The following ABHD3 variants were observed in gnomAD, a reference collection of about 807,000 sequenced individuals.
ABHD3 encodes the protein abhydrolase domain containing 3, phospholipase, also known as phospholipase ABHD3.
In ABHD3, 46 loss-of-function variants were observed where a neutral mutation model predicts 48.8. The ratio of observed to expected loss-of-function variants is 0.94; its 90% CI spans 0.74 to 1.20. The LOEUF (loss-of-function observed/expected upper bound fraction) is 1.20, where lower values mean the gene tolerates loss of function less well. Ranked by LOEUF, ABHD3 falls within the 50% of genes most tolerant of loss-of-function variation. The pLI is 0.00. For missense variants in ABHD3, 490 were observed against 497.8 expected, an observed-to-expected ratio of 0.98 and a Z score of 0.15; for synonymous variants, 192 against 183.7, an observed-to-expected ratio of 1.04 and a Z score of -0.36.
At chr18:21,682,902 C>T (rs768066042) in intron 4 of ABHD3, 2 of 152,200 alleles carry the variant, frequency 1.3e-5, no homozygotes, top group African/African-American at 2.4e-5. Flanking sequence ...CGTGAACCTT[C>T]ACGTCAAGCT....
chr18:21,687,705 TAAG>T (rs1365862552), intron 3 of ABHD3, among the ~76,000 whole-genome samples: 2 of 152,190 alleles, frequency 1.3e-5, no homozygotes, highest in Admixed American at 6.5e-5. Context: ...ACAGATCTGG[TAAG>T]AAGAACTTTC....
At chr18:21,679,211 C>T (rs1410171237) in intron 4 of ABHD3, among the ~76,000 whole-genome samples, 2 of 152,162 alleles carry the variant, frequency 1.3e-5, no homozygotes, top group Non-Finnish European at 2.9e-5. Context: ...AAATAAACAT[C>T]AGAGTTCCTC....
In ABHD3 at chr18:21,656,997, T is replaced by A. The variant is rs748020036; in HGVS notation, c.921A>T (p.Arg307=). The change falls in exon 8 of 9, where the codon CGA becomes CGT. Residue 307 remains arginine (R), a synonymous_variant. Transcript: ENST00000289119. ...KAKSIREFDK[R]FTSVMFGYQT... ...GGTATCCAAACATGACTGAAGTGAA[T>A]CGCTTATCAAACTCTCTGATGGATT... 1 of 1,614,052 alleles carries A rather than the reference T, an allele frequency of 6.2e-7. No individual in the cohort carries two copies. Among genetic ancestry groups the A allele is most frequent in the Non-Finnish European group, 8.5e-7 (1 of 1,180,004 alleles).
At chr18:21,697,038 T>A (rs1306228876) in intron 3 of ABHD3, among the ~76,000 whole-genome samples, 1 of 151,852 alleles carries the variant, frequency 6.6e-6, no homozygotes, top group African/African-American at 2.4e-5. Flanking sequence ...TATCTTCATG[T>A]AGGCAGGCCA....
At chr18:21,671,816 T>G (rs939100562) in intron 4 of ABHD3, among the ~76,000 whole-genome samples, 2 of 152,182 alleles carry the variant, frequency 1.3e-5, no homozygotes, top group African/African-American at 2.4e-5. Context: ...TTATTATTTT[T>G]TATAGAAATG....
At chr18:21,659,080 C>T in intron 6 of ABHD3, 90 bp downstream of exon 6, 7 of 1,311,202 alleles carry the variant, frequency 5.3e-6, no homozygotes, top group Non-Finnish European at 7.3e-6. Context: ...ACCTCGTGAT[C>T]CCCCCGCCTC....
Position 21,659,231 on chromosome 18 carries a change from G to GT in ABHD3, c.780dup (p.Pro261ThrfsTer8), listed in dbSNP as rs1396541850. The GT allele has an allele frequency of 6.2e-7, 1 of 1,613,858 alleles. No homozygotes were observed. Among genetic ancestry groups the GT allele is most frequent in the African/African-American group, 1.3e-5 (1 of 74,916 alleles). On this transcript the variant is annotated frameshift_variant, in exon 6 of 9. Transcript: ENST00000289119. LOFTEE classifies it high-confidence loss of function. ...TAATTAAAAAGTAGCCAGTTCAGTG[G>GT]TTTTTCCAATGACTCTGAGCAAGCG...
In ABHD3 at chr18:21,704,128, C is replaced by A. The variant is rs1279818693; in HGVS notation, c.162+376G>T. On this transcript the variant is annotated intron_variant, in intron 1 of 8. Transcript: ENST00000289119. ...TCTCGAACTCTTGACCTCAGGTGAT[C>A]CACCCGCCTCGGGCTCCCAAAGTGC... Among the ~76,000 whole-genome samples, 4 of 152,200 alleles carry A rather than the reference C, an allele frequency of 2.6e-5. No individual in the cohort carries two copies. The East Asian group carries it at 7.7e-4, about 29-fold the overall frequency.
chr18:21,694,683 TCTC>T (rs2040328666), intron 3 of ABHD3, among the ~76,000 whole-genome samples: 1 of 152,214 alleles, frequency 6.6e-6, no homozygotes, highest in South Asian at 2.1e-4. Flanking sequence ...GTCCTGTTTC[TCTC>T]CTTTCTCTGT....
chr18:21,660,676 C>T (rs1194319461), intron 5 of ABHD3, among the ~76,000 whole-genome samples: 16 of 151,910 alleles, frequency 1.1e-4, no homozygotes, highest in Admixed American at 1.1e-3. Flanking sequence ...TTCTTTTTTC[C>T]AGTTCAAATG....
intron 6 of ABHD3, among the ~76,000 whole-genome samples, chr18:21,658,536 G>C (rs2039408127): frequency 6.6e-6 from 1 of 152,132 alleles, no homozygotes; most frequent in Non-Finnish European, 1.5e-5. Flanking sequence ...AATTTAGAAT[G>C]GTGATTAGAA....
chr18:21,663,662 CA>C (rs1320524588), intron 5 of ABHD3: 1 of 1,534,992 alleles, frequency 6.5e-7, no homozygotes, highest in Admixed American at 2.0e-5. Context: ...CAAAACAAAA[CA>C]AAACAAAATA....
chr18:21,702,095 T>C, intron 3 of ABHD3: 1 of 423,410 alleles, frequency 2.4e-6, no homozygotes. Flanking sequence ...AGCCTAAATC[T>C]GCAGAGTGTC....
chr18:21,669,292 T>C (rs1049147186), intron 4 of ABHD3, among the ~76,000 whole-genome samples: 3 of 152,170 alleles, frequency 2.0e-5, no homozygotes, highest in Non-Finnish European at 4.4e-5. Context: ...TCCAGAACTC[T>C]GAGATTCAGC....
intron 4 of ABHD3, among the ~76,000 whole-genome samples, chr18:21,670,269 T>C (rs956944625): frequency 6.6e-6 from 1 of 152,126 alleles, no homozygotes; most frequent in Non-Finnish European, 1.5e-5. Context: ...TACGTGGGAA[T>C]GGTAAGTGCC....
rs2039571732 is a variant in ABHD3, at chr18:21,664,244, CAAGT to C, written c.556-18_556-15del. 6.3e-7 allele frequency: 1 copy of C among 1,599,770 alleles called. No individual in the cohort carries two copies. The highest frequency in any genetic ancestry group is 8.5e-7 in the Non-Finnish European group (1 of 1,176,220). On this transcript the variant is annotated splice_polypyrimidine_tract_variant and intron_variant, in intron 4 of 8. Transcript: ENST00000289119. ...AGTCCTTGGCGTCTGGAAGTAGTGA[CAAGT>C]AAAGCACAAAAATTACAATGTGAGG...
chr18:21,698,179 A>G (rs2040427501), intron 3 of ABHD3, among the ~76,000 whole-genome samples: 1 of 151,410 alleles, frequency 6.6e-6, no homozygotes, highest in African/African-American at 2.4e-5. Context: ...CTTTTGAATT[A>G]TAAAACATTT....
intron 4 of ABHD3, among the ~76,000 whole-genome samples, chr18:21,676,134 A>G (rs1320461532): frequency 2.0e-5 from 3 of 152,192 alleles, no homozygotes; most frequent in East Asian, 3.8e-4. Flanking sequence ...AGGCTTCAAC[A>G]TATGAATGCT....
intron 3 of ABHD3, among the ~76,000 whole-genome samples, chr18:21,688,805 A>C (rs2146324521): frequency 6.6e-6 from 1 of 152,360 alleles, no homozygotes; most frequent in South Asian, 2.1e-4. Flanking sequence ...TGTGAGATAC[A>C]TTGTAAAGGG....
Sources: allele counts gnomAD v4.1 joint callset (sites outside exome capture counted in the v4.1 genomes callset), GRCh38; gene constraint gnomAD v4.1.1; transcripts MANE v1.5; gene names NCBI Gene and HGNC (gene_info 2026-07-23, HGNC 2026-07-21).